The following SHROOM3 variants were observed in gnomAD, a reference collection of about 807,000 sequenced individuals.
SHROOM3 encodes shroom family member 3, also known as protein Shroom3.
SHROOM3 carries 47 observed loss-of-function variants against 138.6 expected under a neutral mutation model. That is an observed-to-expected ratio of 0.34 (90% confidence interval 0.27 to 0.43). SHROOM3 has a LOEUF of 0.43. Among genes scored for constraint, SHROOM3 ranks in the 20% least tolerant of loss-of-function variants. The pLI is 1.00. For missense variants in SHROOM3, 2,491 were observed against 2,596.5 expected, an observed-to-expected ratio of 0.96 and a Z score of 0.88; for synonymous variants, 1,062 against 1,063.3, an observed-to-expected ratio of 1.00 and a Z score of 0.02.
At chr4:76,709,744 T>G in intron 2 of SHROOM3, 1 of 269,732 alleles carries the variant, frequency 3.7e-6, no homozygotes, top group Non-Finnish European at 7.2e-6. Context: ...ACTTGAGAAG[T>G]GAGGTGGCAG....
In SHROOM3 at chr4:76,710,252, G is replaced by C. The variant is rs773785018; in HGVS notation, c.420G>C (p.Ala140=). 6.8e-6 allele frequency: 11 copies of C among 1,614,084 alleles called. 1 individual carries two copies. In the South Asian group the frequency reaches 1.2e-4, roughly 18 times the overall value. ...CTGGCCCCCAGCACAGGAAAGCAGC[G>C]TGGTCAGGAGGGGTTAAACTTCGGC... is the stretch of plus-strand genomic sequence containing the variant. ...LTSGPQHRKA[A]WSGGVKLRLK... is the part of the protein sequence containing the mutation. Residue 140 remains alanine (A), a synonymous_variant, in exon 3 of 11, where the codon GCG becomes GCC. Coordinates refer to ENST00000296043, the MANE Select transcript of SHROOM3 (RefSeq NM_020859.4).
intron 2 of SHROOM3, among the ~76,000 whole-genome samples, chr4:76,563,943 C>G (rs1222150191): frequency 6.6e-6 from 1 of 152,186 alleles, no homozygotes; most frequent in Admixed American, 6.5e-5. Context: ...GGCAGTGTGT[C>G]CCCACCACGT....
In SHROOM3 at chr4:76,771,030, G is replaced by A. The variant is rs374581146; in HGVS notation, c.5622+132G>A. 5.9e-6 allele frequency: 7 copies of A among 1,188,200 alleles called. No individual in the cohort carries two copies. In the South Asian group the frequency reaches 6.2e-5, roughly 11 times the overall value. The allele number at this position is 1,188,200 out of a possible 1,614,324, so 73.6% of individuals were successfully genotyped here. On this transcript the variant is annotated intron_variant, in intron 10 of 10. Coordinates refer to ENST00000296043, the MANE Select transcript of SHROOM3 (RefSeq NM_020859.4). ...TCTTTGGGGCAGGGAGAGAATACAT[G>A]TATAGGTAACCAAGAAACAGAGAAG...
chr4:76,555,480 A>C, intron 1 of SHROOM3, 129 bp from the exon 2 acceptor site: 1 of 1,351,748 alleles, frequency 7.4e-7, no homozygotes, highest in Non-Finnish European at 1.0e-6. Flanking sequence ...TCTGGCTGCA[A>C]GCGCTGGGGT....
chr4:76,662,702 A>G (rs1718561398), intron 2 of SHROOM3, among the ~76,000 whole-genome samples: 1 of 152,178 alleles, frequency 6.6e-6, no homozygotes, highest in Non-Finnish European at 1.5e-5. Flanking sequence ...TTAAGAATCC[A>G]CGTATACTTT....
chr4:76,528,079 G>A (rs1732738263), intron 1 of SHROOM3, among the ~76,000 whole-genome samples: 1 of 152,162 alleles, frequency 6.6e-6, no homozygotes, highest in South Asian at 2.1e-4. Context: ...CTCTCATTCT[G>A]AAACTTGAGA....
chr4:76,552,010 C>G lies in SHROOM3; in HGVS notation c.169-3599C>G, dbSNP rs370103059. Among the ~76,000 whole-genome samples the G allele has an allele frequency of 7.6e-4, 101 of 133,284 alleles. 3 individuals are homozygous for G. The South Asian group carries it at 0.023, about 30-fold the overall frequency. 87.4% of individuals were successfully genotyped at this position (133,284 alleles called of 152,430 possible). ...CCGAGTAGCTGGGACTACAGGCGCC[C>G]GCCATCACGCCCGGCTAATTTTTTG... On this transcript the variant is annotated intron_variant, in intron 1 of 10. Transcript: ENST00000296043.
intron 2 of SHROOM3, among the ~76,000 whole-genome samples, chr4:76,593,009 G>T (rs1734305567): frequency 6.6e-6 from 1 of 152,120 alleles, no homozygotes; most frequent in African/African-American, 2.4e-5. Flanking sequence ...GAACCTGAGG[G>T]ACTTGGGTCA....
chr4:76,531,225 G>A (rs1560535789), intron 1 of SHROOM3, among the ~76,000 whole-genome samples: 1 of 152,118 alleles, frequency 6.6e-6, no homozygotes. Flanking sequence ...CATTTGTCCT[G>A]TGTCCCAACA....
At chr4:76,554,715 C>T (rs190703935) in intron 1 of SHROOM3, among the ~76,000 whole-genome samples, 142 of 152,204 alleles carry the variant, frequency 9.3e-4, no homozygotes, top group African/African-American at 3.2e-3. Flanking sequence ...CCACCGTACC[C>T]GGCCAGAGGA....
chr4:76,517,757 G>A (rs1732473404), intron 1 of SHROOM3, among the ~76,000 whole-genome samples: 1 of 152,068 alleles, frequency 6.6e-6, no homozygotes, highest in East Asian at 1.9e-4. Context: ...AGCAGAGAGA[G>A]GAAAAGACTA....
chr4:76,707,182 C>G (rs1720080877), intron 2 of SHROOM3, among the ~76,000 whole-genome samples: 1 of 152,210 alleles, frequency 6.6e-6, no homozygotes, highest in Non-Finnish European at 1.5e-5. Context: ...CTACCATCAC[C>G]ATTCCCTACC....
At chr4:76,480,552 C>G (rs1731586895) in intron 1 of SHROOM3, among the ~76,000 whole-genome samples, 1 of 152,150 alleles carries the variant, frequency 6.6e-6, no homozygotes, top group Non-Finnish European at 1.5e-5. Context: ...GACTTTAACA[C>G]CCCACTGTCA....
chr4:76,688,482 TAAC>T (rs904172354), intron 2 of SHROOM3: 2 of 985,388 alleles, frequency 2.0e-6, no homozygotes, highest in African/African-American at 1.7e-5. Flanking sequence ...CCTGGACATT[TAAC>T]AACAGGGATT....
chr4:76,567,841 C>A (rs1383925848), intron 2 of SHROOM3, among the ~76,000 whole-genome samples: 1 of 151,748 alleles, frequency 6.6e-6, no homozygotes, highest in Admixed American at 6.6e-5. Flanking sequence ...CTTAAAGAAG[C>A]GAACAATTGA....
rs765681223 is a variant in SHROOM3, at chr4:76,741,395, G to A, written c.3222G>A (p.Ser1074=). Residue 1074 remains serine, a synonymous_variant, in exon 5 of 11, where the codon TCG becomes TCA. Coordinates refer to ENST00000296043, the MANE Select transcript of SHROOM3 (RefSeq NM_020859.4). The surrounding 1 kb of genome is among the most constrained non-coding windows in gnomAD (Gnocchi z 6.2). The stretch of plus-strand genomic sequence containing the variant: ...AGGCCTGCTCCACGCTCAGCCTGTC[G>A]GGGCCCGAGCTGAAGCAGTTCCAGC... ...DGKACSTLSL[S]GPELKQFQQS... The A allele has an allele frequency of 3.7e-6, 6 of 1,600,802 alleles. No individual in the cohort carries two copies. The African/African-American group carries it at 4.0e-5, about 11-fold the overall frequency.
At position 76,576,338 on chromosome 4, in the gene SHROOM3, C is replaced by T. The variant is rs140340968; in HGVS notation, c.323+20575C>T. On this transcript the variant is annotated intron_variant, in intron 2 of 10. Transcript: ENST00000296043. The stretch of plus-strand genomic sequence containing the variant: ...AGCCATTTAAAAAAATGAGATCCTG[C>T]CATTTGCAACAACATAGATCAAACT... 6.0e-3 allele frequency among the ~76,000 whole-genome samples: 920 copies of T among 152,234 alleles called. 14 individuals are homozygous for T. Among genetic ancestry groups the T allele is most frequent in the African/African-American group, 0.021 (869 of 41,536 alleles).
intron 10 of SHROOM3, 34 bp from the exon 11 acceptor site, chr4:76,778,775 G>C (rs748086155): frequency 4.2e-5 from 67 of 1,611,696 alleles, no homozygotes; most frequent in Non-Finnish European, 2.9e-5. Flanking sequence ...CCCTTTCCCT[G>C]GCCTTCATTG....
At chr4:76,659,982 G>A (rs781643629) in intron 2 of SHROOM3, among the ~76,000 whole-genome samples, 1 of 152,140 alleles carries the variant, frequency 6.6e-6, no homozygotes, top group Admixed American at 6.5e-5. Context: ...ATGAAGCTGC[G>A]CAGGGGTATT....
Sources: allele counts gnomAD v4.1 joint callset (sites outside exome capture counted in the v4.1 genomes callset), GRCh38; gene constraint gnomAD v4.1.1; non-coding constraint Gnocchi (gnomAD v3.1); transcripts MANE v1.5; gene names NCBI Gene and HGNC (gene_info 2026-07-23, HGNC 2026-07-21).